Variants in SNX6 observed in about 807,000 individuals in gnomAD.
SNX6 encodes sorting nexin 6.
SNX6 carries 34 observed loss-of-function variants against 63.0 expected under a neutral mutation model. That is an observed-to-expected ratio of 0.54 (90% CI 0.41 to 0.72). The LOEUF is 0.72. SNX6 is among the 30% of genes least tolerant of loss of function. The pLI is 0.00. For synonymous variants in SNX6, 170 were observed against 164.2 expected, an observed-to-expected ratio of 1.04 and a Z score of -0.27; for missense variants, 398 against 471.4, an observed-to-expected ratio of 0.84 and a Z score of 1.44.
intron 13 of SNX6, among the ~76,000 whole-genome samples, chr14:34,563,653 C>T (rs1881034040): frequency 6.6e-6 from 1 of 151,754 alleles, no homozygotes; most frequent in African/African-American, 2.4e-5. Flanking sequence ...TCATTATATA[C>T]ACATAAAGGT....
intron 6 of SNX6, among the ~76,000 whole-genome samples, chr14:34,602,166 A>G (rs1882841131): frequency 6.6e-6 from 1 of 150,976 alleles, no homozygotes; most frequent in African/African-American, 2.4e-5. Context: ...TGGCTCATGC[A>G]TGTAATCCCA....
At chr14:34,605,862 G>A in intron 4 of SNX6, 145 bp from the exon 5 acceptor site, 2 of 1,007,898 alleles carry the variant, frequency 2.0e-6, no homozygotes, top group Non-Finnish European at 2.8e-6. Flanking sequence ...TCAGATTGGA[G>A]AACTTGACTA....
intron 11 of SNX6, among the ~76,000 whole-genome samples, chr14:34,571,640 T>C (rs1881457948): frequency 6.6e-6 from 1 of 151,982 alleles, no homozygotes. Flanking sequence ...GCACAGAGGA[T>C]TTTTAGGACA....
chr14:34,581,636 CA>C (rs1881940208), intron 9 of SNX6, 36 bp from the exon 10 acceptor site: 1 of 1,307,212 alleles, frequency 7.6e-7, no homozygotes, highest in Non-Finnish European at 1.1e-6. Context: ...ATTCTACATT[CA>C]AAGTAATTTT....
chr14:34,607,619 A>G (rs12895640), intron 4 of SNX6, among the ~76,000 whole-genome samples: 57,099 of 151,612 alleles, frequency 0.38, 12,553 homozygotes, highest in East Asian at 0.74. Context: ...TCTAAAAAAC[A>G]TAACAGGGCC....
intron 2 of SNX6, among the ~76,000 whole-genome samples, chr14:34,628,921 G>A (rs751629092): frequency 1.1e-4 from 16 of 152,040 alleles, no homozygotes; most frequent in Non-Finnish European, 1.8e-4. Flanking sequence ...CCACCCTTCA[G>A]CCAAGGAAAA....
intron 8 of SNX6, among the ~76,000 whole-genome samples, chr14:34,587,532 CAAAAAAAAAAAAA>C (rs34380966): frequency 1.7e-5 from 1 of 57,806 alleles, no homozygotes; most frequent in African/African-American, 7.2e-5. Flanking sequence ...GACTCCATCT[CAAAAAAAAAAAAA>C]AAAAAAAAAA....
At chr14:34,611,348 CACCT>C (rs1883218948) in intron 2 of SNX6, among the ~76,000 whole-genome samples, 2 of 152,150 alleles carry the variant, frequency 1.3e-5, no homozygotes, top group South Asian at 2.1e-4. Context: ...ACATGTTGTA[CACCT>C]GTAGTCCCAG....
chr14:34,578,482 T>G (rs1432810329), intron 10 of SNX6, among the ~76,000 whole-genome samples: 1 of 150,408 alleles, frequency 6.6e-6, no homozygotes, highest in African/African-American at 2.5e-5. Context: ...GTACAAAAAT[T>G]AGTTGGGCAT....
intron 4 of SNX6, among the ~76,000 whole-genome samples, chr14:34,606,396 C>T (rs948546787): frequency 2.0e-5 from 3 of 151,502 alleles, no homozygotes; most frequent in African/African-American, 4.9e-5. Flanking sequence ...GCTGGGATTA[C>T]AGGCATGAGC....
intron 2 of SNX6, among the ~76,000 whole-genome samples, chr14:34,628,100 C>T (rs1883897759): frequency 6.6e-6 from 1 of 152,150 alleles, no homozygotes; most frequent in Admixed American, 6.6e-5. Context: ...CCTATAATCG[C>T]AGGAGGATCA....
chr14:34,622,109 C>T (rs1223145132), intron 2 of SNX6, among the ~76,000 whole-genome samples: 4 of 151,450 alleles, frequency 2.6e-5, no homozygotes, highest in African/African-American at 9.7e-5. Context: ...CAGGCACCTA[C>T]CGTCACACCT....
At chr14:34,611,355 A>G (rs1302556493) in intron 2 of SNX6, among the ~76,000 whole-genome samples, 1 of 152,196 alleles carries the variant, frequency 6.6e-6, no homozygotes, top group Non-Finnish European at 1.5e-5. Flanking sequence ...GTACACCTGT[A>G]GTCCCAGCTA....
intron 13 of SNX6, among the ~76,000 whole-genome samples, chr14:34,563,382 C>T (rs939964474): frequency 6.6e-6 from 1 of 151,900 alleles, no homozygotes; most frequent in Non-Finnish European, 1.5e-5. Context: ...CACAGTGAAA[C>T]CCCATCTCTA....
chr14:34,585,320 G>A (rs944198812), intron 9 of SNX6, among the ~76,000 whole-genome samples: 3 of 152,064 alleles, frequency 2.0e-5, no homozygotes, highest in African/African-American at 7.2e-5. Context: ...AAGGGCTTGA[G>A]ACCAGCCTGG....
At chr14:34,613,040 C>CT (rs775134710) in intron 2 of SNX6, among the ~76,000 whole-genome samples, 1 of 81,774 alleles carries the variant, frequency 1.2e-5, no homozygotes. Context: ...GAGACTCTAT[C>CT]CAAAAAAAAA....
intron 9 of SNX6, among the ~76,000 whole-genome samples, chr14:34,581,837 T>G (rs557028885): frequency 1.9e-4 from 27 of 142,042 alleles, no homozygotes; most frequent in Admixed American, 9.7e-4. Flanking sequence ...TTGATTTTTG[T>G]TTTTTTTTGC....
chr14:34,569,580 C>T (rs1881352080), intron 11 of SNX6, among the ~76,000 whole-genome samples: 1 of 152,082 alleles, frequency 6.6e-6, no homozygotes, highest in Admixed American at 6.6e-5. Context: ...GCGTGTGCCA[C>T]CAAGCCTGGC....
intron 2 of SNX6, among the ~76,000 whole-genome samples, chr14:34,628,127 T>C (rs1233544902): frequency 2.0e-5 from 3 of 152,010 alleles, no homozygotes; most frequent in Non-Finnish European, 2.9e-5. Context: ...CCCAGGAGTT[T>C]GACACTGGCC....
Sources: gnomAD v4.1 joint callset for allele counts (sites outside exome capture counted in the v4.1 genomes callset) on GRCh38, gnomAD v4.1.1 for gene constraint, MANE v1.5 for transcripts, NCBI Gene and HGNC (gene_info 2026-07-23, HGNC 2026-07-21) for gene names.